The following ARL15 variants were observed in gnomAD, a reference collection of about 807,000 sequenced individuals.
ARL15 encodes the protein ARF like GTPase 15.
A neutral mutation model predicts 25.2 loss-of-function variants in ARL15; 19 were observed. The observed-to-expected ratio is 0.75, with a 90% CI of 0.53 to 1.10. The LOEUF (loss-of-function observed/expected upper bound fraction) is 1.10. Ranked by LOEUF, ARL15 falls within the 50% of genes least tolerant of loss-of-function variation. The pLI is 0.00. For synonymous variants in ARL15, 94 were observed against 86.8 expected (o/e 1.08, Z -0.46); for missense variants, 220 against 246.0 (o/e 0.89, Z 0.71).
intron 1 of ARL15, among the ~76,000 whole-genome samples, chr5:54,191,753 A>G (rs1278024028): frequency 6.6e-6 from 1 of 152,140 alleles, no homozygotes; most frequent in Non-Finnish European, 1.5e-5. Context: ...TCTTGCTTTG[A>G]TTATTCCAAA....
At chr5:54,257,269 A>G (rs755057110) in intron 1 of ARL15, among the ~76,000 whole-genome samples, 6 of 152,224 alleles carry the variant, frequency 3.9e-5, no homozygotes, top group Non-Finnish European at 7.3e-5. Flanking sequence ...CAAGACCTCA[A>G]CCCATTTTAC....
intron 4 of ARL15, among the ~76,000 whole-genome samples, chr5:53,937,649 A>T (rs1178464714): frequency 6.6e-6 from 1 of 152,172 alleles, no homozygotes; most frequent in Non-Finnish European, 1.5e-5. Context: ...AGCCTAGGAA[A>T]AACAGGCTTT....
chr5:54,197,941 T>A (rs559923829), intron 1 of ARL15, among the ~76,000 whole-genome samples: 14 of 152,134 alleles, frequency 9.2e-5, no homozygotes, highest in Admixed American at 2.0e-4. Flanking sequence ...AAAAAGCTTA[T>A]CCACCATGAT....
intron 4 of ARL15, among the ~76,000 whole-genome samples, chr5:53,975,189 C>T (rs1297565074): frequency 1.3e-5 from 2 of 152,116 alleles, no homozygotes; most frequent in Non-Finnish European, 2.9e-5. Context: ...TTTCTCTAAA[C>T]TTTCTCCCAT....
intron 4 of ARL15, among the ~76,000 whole-genome samples, chr5:54,014,745 C>T (rs1164008687): frequency 6.6e-6 from 1 of 151,606 alleles, no homozygotes; most frequent in Admixed American, 6.6e-5. Context: ...AGTCTGGTCT[C>T]AAACTCCTGA....
intron 4 of ARL15, among the ~76,000 whole-genome samples, chr5:54,069,317 T>C (rs1751342275): frequency 6.6e-6 from 1 of 152,156 alleles, no homozygotes; most frequent in African/African-American, 2.4e-5. Flanking sequence ...ACGCCTATAA[T>C]CCTAGCACTT....
At chr5:53,954,305 A>G (rs1402487821) in intron 4 of ARL15, among the ~76,000 whole-genome samples, 1 of 152,190 alleles carries the variant, frequency 6.6e-6, no homozygotes, top group Non-Finnish European at 1.5e-5. Context: ...TCATCTGCAA[A>G]TACCTTCCTC....
chr5:53,905,940 C>T (rs1444481007), intron 4 of ARL15, among the ~76,000 whole-genome samples: 1 of 152,078 alleles, frequency 6.6e-6, no homozygotes, highest in Non-Finnish European at 1.5e-5. Flanking sequence ...CGTCAGAGTC[C>T]TTGAAATAGG....
chr5:54,070,348 C>T (rs1245991675), intron 4 of ARL15, among the ~76,000 whole-genome samples: 3 of 151,580 alleles, frequency 2.0e-5, no homozygotes, highest in African/African-American at 4.8e-5. Context: ...GCCGAGATCG[C>T]GCCACTGCAC....
chr5:54,126,697 A>G (rs1050877283), intron 3 of ARL15, among the ~76,000 whole-genome samples: 22 of 152,296 alleles, frequency 1.4e-4, no homozygotes, highest in Admixed American at 7.8e-4. Context: ...TGTCAGTTCA[A>G]TCTCTTACTC....
chr5:54,246,839 CACACACAG>C lies in ARL15; in HGVS notation c.48+63585_48+63592del, dbSNP rs1462224707. ...ACACACACACACACACACACACACA[CACACACAG>C]AGTACATAAAACATATACACAGTAT... On this transcript the variant is annotated intron_variant, in intron 1 of 4. Transcript: ENST00000504924. Among the ~76,000 whole-genome samples, 281 of 119,088 alleles carry C rather than the reference CACACACAG, an allele frequency of 2.4e-3. 1 individual carries two copies. Among genetic ancestry groups the C allele is most frequent in the African/African-American group, 8.0e-3 (264 of 32,956 alleles). 78.1% of individuals were successfully genotyped at this position (119,088 alleles called of 152,430 possible).
chr5:54,184,555 A>G (rs1755179391), intron 1 of ARL15, among the ~76,000 whole-genome samples: 1 of 150,744 alleles, frequency 6.6e-6, no homozygotes, highest in Admixed American at 6.6e-5. Context: ...GAAAGATCTC[A>G]ATAAAGTAGA....
intron 4 of ARL15, among the ~76,000 whole-genome samples, chr5:53,953,232 C>T (rs1488146636): frequency 1.3e-5 from 2 of 152,126 alleles, no homozygotes; most frequent in African/African-American, 2.4e-5. Flanking sequence ...ACTTACTTAA[C>T]CTTTCTGAGT....
At chr5:53,985,697 G>A (rs186628146) in intron 4 of ARL15, among the ~76,000 whole-genome samples, 2 of 152,224 alleles carry the variant, frequency 1.3e-5, no homozygotes, top group African/African-American at 2.4e-5. Flanking sequence ...TAGTACATTT[G>A]CTTATCTATT....
Position 54,113,220 on chromosome 5 carries a change from T to C in ARL15, c.444A>G (p.Ala148=). The change falls in exon 4 of 5, where the codon GCA becomes GCG. Residue 148 remains alanine, a synonymous_variant. Coordinates refer to ENST00000504924, the MANE Select transcript of ARL15 (RefSeq NM_019087.3). The part of the protein sequence containing the change: ...LILANHQDKP[A]ARSVQEIKKY... ...GACATACCTCTTGTACTGAGCGAGC[T>C]GCTGGCTTGTCTTGATGATTGGCCA... 1.2e-6 allele frequency: 2 copies of C among 1,613,758 alleles called. No individual in the cohort carries two copies. Among genetic ancestry groups the C allele is most frequent in the African/African-American group, 2.7e-5 (2 of 75,042 alleles).
chr5:54,092,074 C>CACACACACACACACT (rs1561220828), intron 4 of ARL15, among the ~76,000 whole-genome samples: 138 of 95,968 alleles, frequency 1.4e-3, no homozygotes, highest in African/African-American at 5.0e-3. Flanking sequence ...ACACACACAC[C>CACACACACACACACT]ACCACCACCA....
intron 1 of ARL15, among the ~76,000 whole-genome samples, chr5:54,283,063 T>C (rs1369435047): frequency 6.6e-6 from 1 of 152,238 alleles, no homozygotes; most frequent in African/African-American, 2.4e-5. Flanking sequence ...TTATGGTTTA[T>C]TGTTGACAAG....
chr5:54,185,189 C>T (rs962408663), intron 1 of ARL15, among the ~76,000 whole-genome samples: 1 of 152,098 alleles, frequency 6.6e-6, no homozygotes, highest in Non-Finnish European at 1.5e-5. Context: ...CAAGGCAATC[C>T]TATGCACCTC....
chr5:54,250,634 G>C (rs1270656186), intron 1 of ARL15, among the ~76,000 whole-genome samples: 3 of 152,126 alleles, frequency 2.0e-5, no homozygotes, highest in Admixed American at 1.3e-4. Flanking sequence ...ATGGTGGAGA[G>C]AGGGAGAAGT....
Sources: allele counts gnomAD v4.1 joint callset (sites outside exome capture counted in the v4.1 genomes callset), GRCh38; gene constraint gnomAD v4.1.1; transcripts MANE v1.5; gene names NCBI Gene and HGNC (gene_info 2026-07-23, HGNC 2026-07-21).